XRCC5: variants seen among roughly 807,000 people sequenced by gnomAD.
XRCC5 encodes the protein DNA repair protein Ku80.
Under a neutral mutation model 95.7 loss-of-function variants are expected in XRCC5, and 12 were observed. The observed-to-expected ratio is 0.13, with a 90% confidence interval of 0.08 to 0.20. XRCC5 has a LOEUF of 0.20. Among genes scored for constraint, XRCC5 ranks in the 10% least tolerant of loss-of-function variants. XRCC5 has a pLI of 1.00. For missense variants in XRCC5, 595 were observed against 873.9 expected, an observed-to-expected ratio of 0.68 and a Z score of 4.02; for synonymous variants, 281 against 290.3, an observed-to-expected ratio of 0.97 and a Z score of 0.33.
At chr2:216,154,136 G>A (rs1034058849) in intron 14 of XRCC5, among the ~76,000 whole-genome samples, 1 of 152,182 alleles carries the variant, frequency 6.6e-6, no homozygotes, top group Non-Finnish European at 1.5e-5. Flanking sequence ...GTCGAATTTG[G>A]AGCTAAACTC....
At chr2:216,113,969 A>C (rs1293395155) in intron 2 of XRCC5, among the ~76,000 whole-genome samples, 4 of 151,846 alleles carry the variant, frequency 2.6e-5, no homozygotes, top group Admixed American at 2.0e-4. Flanking sequence ...GGAGAATTAG[A>C]CTCCCTCTCT....
chr2:216,159,104 G>T (rs1400647230), intron 14 of XRCC5, among the ~76,000 whole-genome samples: 2 of 151,984 alleles, frequency 1.3e-5, no homozygotes, highest in African/African-American at 4.8e-5. Flanking sequence ...AAAACATTTT[G>T]TACATGATAA....
intron 8 of XRCC5, chr2:216,127,897 T>G (rs1294233889): frequency 6.6e-6 from 2 of 302,286 alleles, no homozygotes; most frequent in East Asian, 1.2e-4. Flanking sequence ...CTCTGTGAGT[T>G]TTAAATGTCT....
chr2:216,169,870 T>TAA (rs57399789), intron 16 of XRCC5, among the ~76,000 whole-genome samples: 1,719 of 132,798 alleles, frequency 0.013, 47 homozygotes, highest in African/African-American at 0.043. Context: ...ATGGTGAAAC[T>TAA]AAAAAAAAAA....
rs200255597 is a variant in XRCC5, at chr2:216,109,433, C to G, written c.-4C>G. ...AGCGACCAAAGCGCCTGAGGACCGG[C>G]AACATGGTGCGGTCGGGGAATAAGG... On this transcript the variant is annotated 5_prime_UTR_variant, in exon 1 of 21. Transcript: ENST00000392132. The G allele has an allele frequency of 3.0e-5, 49 of 1,614,018 alleles. No individual in the cohort carries two copies. In the African/African-American group the frequency reaches 5.5e-4, roughly 18 times the overall value.
At chr2:216,114,876 A>G (rs986387151) in intron 2 of XRCC5, among the ~76,000 whole-genome samples, 1 of 152,186 alleles carries the variant, frequency 6.6e-6, no homozygotes, top group African/African-American at 2.4e-5. Flanking sequence ...ATGACTAGTA[A>G]CCACACTACG....
chr2:216,176,233 C>T (rs1369664129), intron 16 of XRCC5, among the ~76,000 whole-genome samples: 1 of 152,140 alleles, frequency 6.6e-6, no homozygotes, highest in African/African-American at 2.4e-5. Context: ...ATTCTCCTGC[C>T]TCAGCCTCCC....
chr2:216,148,850 T>C (rs1029209110), intron 14 of XRCC5, among the ~76,000 whole-genome samples: 8 of 152,354 alleles, frequency 5.3e-5, no homozygotes, highest in Non-Finnish European at 1.0e-4. Context: ...CAACTGGCTA[T>C]TAAGTTTTTT....
intron 19 of XRCC5, among the ~76,000 whole-genome samples, chr2:216,195,409 C>T (rs1356970996): frequency 1.5e-4 from 11 of 71,582 alleles, no homozygotes; most frequent in Non-Finnish European, 3.2e-4. Context: ...TTCTCTCTCT[C>T]TCTGTTTCTT....
intron 1 of XRCC5, 25 bp from the exon 2 acceptor site, chr2:216,112,987 TCAAA>T: frequency 6.4e-7 from 1 of 1,566,442 alleles, no homozygotes; most frequent in Non-Finnish European, 8.8e-7. Context: ...ACTTATTTTC[TCAAA>T]CACTCTTTGG....
chr2:216,158,750 A>G (rs956346289), intron 14 of XRCC5, among the ~76,000 whole-genome samples: 24 of 152,334 alleles, frequency 1.6e-4, no homozygotes, highest in Middle Eastern at 6.8e-3. Context: ...CCAAATAGTG[A>G]AAATTTTAAT....
intron 19 of XRCC5, among the ~76,000 whole-genome samples, chr2:216,200,782 T>A (rs1234349951): frequency 6.6e-6 from 1 of 152,246 alleles, no homozygotes; most frequent in Non-Finnish European, 1.5e-5. Context: ...CATGCCTTTT[T>A]TTCATCAATT....
chr2:216,121,405 C>T (rs1198343554), intron 5 of XRCC5, among the ~76,000 whole-genome samples: 2 of 152,206 alleles, frequency 1.3e-5, no homozygotes, highest in Non-Finnish European at 2.9e-5. Flanking sequence ...TCCAAGATCA[C>T]AGCACTAACA....
At chr2:216,181,658 A>G (rs1430203988) in intron 16 of XRCC5, among the ~76,000 whole-genome samples, 1 of 152,216 alleles carries the variant, frequency 6.6e-6, no homozygotes, top group Non-Finnish European at 1.5e-5. Flanking sequence ...ATGACTCATT[A>G]GATACTGCTG....
intron 16 of XRCC5, among the ~76,000 whole-genome samples, chr2:216,169,167 T>A (rs1220632343): frequency 1.3e-5 from 2 of 152,230 alleles, no homozygotes; most frequent in East Asian, 3.9e-4. Context: ...GCTGACCTGA[T>A]TGACTAAACA....
chr2:216,181,815 C>T (rs1407230923), intron 16 of XRCC5, among the ~76,000 whole-genome samples: 1 of 152,114 alleles, frequency 6.6e-6, no homozygotes, highest in Non-Finnish European at 1.5e-5. Context: ...GGATCAATTC[C>T]TAAGTCTTAG....
intron 13 of XRCC5, among the ~76,000 whole-genome samples, chr2:216,144,939 A>G (rs1177104088): frequency 2.0e-5 from 3 of 152,244 alleles, no homozygotes; most frequent in Admixed American, 6.5e-5. Context: ...CCATACCCCA[A>G]TAAAAATCAG....
At position 216,125,947 on chromosome 2, in the gene XRCC5, G is replaced by A; in HGVS notation, c.714G>A (p.Lys238=). ...GTCTGAGAAAACTGTGCGTCTTCAAGAAAATTGAGAGGCATTCCATTCACT... is the reference window on the plus strand; with the variant it reads ...GTCTGAGAAAACTGTGCGTCTTCAAAAAAATTGAGAGGCATTCCATTCACT... ...SESLRKLCVF[K]KIERHSIHWP... Residue 238 remains lysine, a synonymous_variant, in exon 7 of 21, where the codon AAG becomes AAA. Transcript: ENST00000392132. The A allele has an allele frequency of 6.2e-7, 1 of 1,613,880 alleles. No homozygotes were observed. The highest frequency in any genetic ancestry group is 1.1e-5 in the South Asian group (1 of 91,070).
At chr2:216,117,604 G>T (rs1478547415) in intron 3 of XRCC5, 142 bp from the exon 4 acceptor site, 40 of 697,468 alleles carry the variant, frequency 5.7e-5, no homozygotes, top group Non-Finnish European at 9.6e-5. Flanking sequence ...GTGAACTTTG[G>T]AAGAAGGGCA....
Sources: allele counts gnomAD v4.1 joint callset (sites outside exome capture counted in the v4.1 genomes callset), GRCh38; gene constraint gnomAD v4.1.1; transcripts MANE v1.5; gene names NCBI Gene and HGNC (gene_info 2026-07-23, HGNC 2026-07-21).